Variants in SASH1 observed in about 807,000 individuals in gnomAD.
The protein encoded by SASH1 is SAM and SH3 domain-containing protein 1.
Under a neutral mutation model 125.2 loss-of-function variants are expected in SASH1, and 44 were observed. The ratio of observed to expected loss-of-function variants is 0.35; its 90% CI spans 0.28 to 0.45. The LOEUF is 0.45. Ranked by LOEUF, SASH1 falls within the 20% of genes least tolerant of loss-of-function variation. The probability of loss-of-function intolerance (pLI) is 1.00; values close to 1 mark genes in which losing one functional copy is unlikely to be tolerated. For missense variants in SASH1, 1,426 were observed against 1,614.5 expected (o/e 0.88, Z 2.00); for synonymous variants, 639 against 649.1 (o/e 0.98, Z 0.24).
At chr6:148,211,588 A>C in the SASH1 span, among the ~76,000 whole-genome samples, 3 of 152,136 alleles carry the variant, frequency 2.0e-5, no homozygotes, top group South Asian at 6.2e-4. Flanking sequence ...AAAAAAAAAA[A>C]AGCACTAAAG....
At chr6:148,204,941 C>CT in the SASH1 span, among the ~76,000 whole-genome samples, 2 of 152,186 alleles carry the variant, frequency 1.3e-5, no homozygotes, top group East Asian at 3.9e-4. Context: ...GTAATTAAGA[C>CT]TTTTTTCCGA....
intron 4 of SASH1, among the ~76,000 whole-genome samples, chr6:148,449,182 G>T (rs1776968765): frequency 6.7e-6 from 1 of 148,196 alleles, no homozygotes; most frequent in Non-Finnish European, 1.5e-5. Flanking sequence ...TGATTCTCCT[G>T]CCTCAGCCTC....
At chr6:148,439,027 G>A (rs905434773) in intron 2 of SASH1, among the ~76,000 whole-genome samples, 2 of 152,142 alleles carry the variant, frequency 1.3e-5, no homozygotes, top group Non-Finnish European at 2.9e-5. Context: ...CGGTATTGGT[G>A]TAGTTTTATA....
intron 1 of SASH1, among the ~76,000 whole-genome samples, chr6:148,358,693 G>A (rs979498274): frequency 1.3e-5 from 2 of 148,350 alleles, no homozygotes; most frequent in Non-Finnish European, 3.0e-5. Context: ...TAGATGCTTG[G>A]TTGGTTCTTT....
At chr6:148,492,873 T>TAAATAAAA (rs1434288292) in intron 8 of SASH1, among the ~76,000 whole-genome samples, 2 of 133,678 alleles carry the variant, frequency 1.5e-5, no homozygotes, top group African/African-American at 5.3e-5. Context: ...AATAAATAAA[T>TAAATAAAA]AAAATCACAC....
At chr6:148,380,809 C>A (rs895611557) in intron 1 of SASH1, among the ~76,000 whole-genome samples, 15 of 152,186 alleles carry the variant, frequency 9.9e-5, no homozygotes, top group African/African-American at 3.6e-4. Flanking sequence ...ATTAAGCACA[C>A]AGCTTAGTAA....
At chr6:148,205,601 T>C in the SASH1 span, among the ~76,000 whole-genome samples, 1 of 152,178 alleles carries the variant, frequency 6.6e-6, no homozygotes, top group Non-Finnish European at 1.5e-5. Flanking sequence ...CCCTAAATCC[T>C]GCCCTTCCCA....
At chr6:148,418,960 C>T (rs1167702840) in intron 2 of SASH1, among the ~76,000 whole-genome samples, 1 of 152,216 alleles carries the variant, frequency 6.6e-6, no homozygotes, top group African/African-American at 2.4e-5. Context: ...TTCCTTGAAA[C>T]TTACTCCCCT....
chr6:148,339,980 A>G (rs1781273963), upstream of SASH1, among the ~76,000 whole-genome samples: 1 of 152,214 alleles, frequency 6.6e-6, no homozygotes, highest in Non-Finnish European at 1.5e-5. Flanking sequence ...TGGGGAAACT[A>G]GCACCAGGTC....
At chr6:148,436,969 C>T (rs1396743856) in intron 2 of SASH1, among the ~76,000 whole-genome samples, 2 of 152,160 alleles carry the variant, frequency 1.3e-5, no homozygotes, top group African/African-American at 2.4e-5. Context: ...TACACATATA[C>T]TCAATGATTG....
intron 4 of SASH1, 35 bp from the exon 5 acceptor site, chr6:148,468,510 G>T (rs1391605241): frequency 6.4e-7 from 1 of 1,562,000 alleles, no homozygotes; most frequent in Non-Finnish European, 8.8e-7. Context: ...TGAAAGCAAG[G>T]CTCTCTGGTA....
At chr6:148,310,143 G>A (rs552746768) in intron 1 of SASH1, among the ~76,000 whole-genome samples, 1 of 152,208 alleles carries the variant, frequency 6.6e-6, no homozygotes, top group African/African-American at 2.4e-5. Context: ...CTAACGTGGT[G>A]AAACCCCGTT....
intron 1 of SASH1, among the ~76,000 whole-genome samples, chr6:148,361,665 G>A (rs1483146863): frequency 6.6e-6 from 1 of 151,958 alleles, no homozygotes; most frequent in East Asian, 1.9e-4. Flanking sequence ...ACCTTGCACA[G>A]CCCTACACCT....
In SASH1 at chr6:148,384,843, A is replaced by G. The variant is rs374960038; in HGVS notation, c.157-5291A>G. The stretch of plus-strand genomic sequence containing the variant: ...GCCATACCATCAACATCATAAACAT[A>G]TCCATCATTCCCAGAGTTTCCTCCC... On this transcript the variant is annotated intron_variant, in intron 1 of 19. Coordinates refer to ENST00000367467, the MANE Select transcript of SASH1 (RefSeq NM_015278.5). Among the ~76,000 whole-genome samples, 103 of 152,326 alleles carry G rather than the reference A, an allele frequency of 6.8e-4. 1 individual carries two copies. The highest frequency in any genetic ancestry group is 2.3e-3 in the African/African-American group (96 of 41,582).
chr6:148,357,070 G>T (rs1781973940), intron 1 of SASH1, among the ~76,000 whole-genome samples: 1 of 152,178 alleles, frequency 6.6e-6, no homozygotes, highest in South Asian at 2.1e-4. Flanking sequence ...GTTCCTTGTA[G>T]ATTCTGGATA....
intron 2 of SASH1, among the ~76,000 whole-genome samples, chr6:148,410,337 C>T (rs1200778500): frequency 6.6e-6 from 1 of 151,914 alleles, no homozygotes; most frequent in African/African-American, 2.4e-5. Flanking sequence ...TCTCGAACCC[C>T]TGACCTTGTG....
At chr6:148,404,672 TC>T (rs1169421491) in intron 2 of SASH1, among the ~76,000 whole-genome samples, 1 of 101,174 alleles carries the variant, frequency 9.9e-6, no homozygotes, top group African/African-American at 4.0e-5. Context: ...CGTACCCTCA[TC>T]CCAACCCCAG....
At chr6:148,256,884 A>G in the SASH1 span, among the ~76,000 whole-genome samples, 1 of 152,228 alleles carries the variant, frequency 6.6e-6, no homozygotes, top group Admixed American at 6.5e-5. Context: ...AGGCAAATCT[A>G]TAGAAATGAA....
intron 10 of SASH1, among the ~76,000 whole-genome samples, chr6:148,522,101 C>A (rs1212948271): frequency 6.6e-6 from 1 of 152,218 alleles, no homozygotes; most frequent in African/African-American, 2.4e-5. Flanking sequence ...AGGCACCGCC[C>A]CCACCTAACG....
Sources: gnomAD v4.1 joint callset for allele counts (sites outside exome capture counted in the v4.1 genomes callset) on GRCh38, gnomAD v4.1.1 for gene constraint, MANE v1.5 for transcripts, NCBI Gene and HGNC (gene_info 2026-07-23, HGNC 2026-07-21) for gene names.